ADGRB1: variants seen among roughly 807,000 people sequenced by gnomAD.
ADGRB1 encodes the protein adhesion G protein-coupled receptor B1, also known as brain-specific angiogenesis inhibitor 1.
In ADGRB1, 36 loss-of-function variants were observed where a neutral mutation model predicts 175.7. That is an observed-to-expected ratio of 0.20 (90% CI 0.16 to 0.27). The LOEUF is 0.27. ADGRB1 is among the 10% of genes least tolerant of loss of function. The pLI is 1.00. For synonymous variants in ADGRB1, 1,054 were observed against 979.4 expected (o/e 1.08, Z -1.42); for missense variants, 1,731 against 2,255.3 (o/e 0.77, Z 4.71).
At chr8:142,534,825 G>T (rs1844834472) in intron 25 of ADGRB1, among the ~76,000 whole-genome samples, 1 of 150,098 alleles carries the variant, frequency 6.7e-6, no homozygotes, top group Admixed American at 6.6e-5. Flanking sequence ...ACGCCACATG[G>T]GCCAGGCCCT....
intron 2 of ADGRB1, among the ~76,000 whole-genome samples, chr8:142,470,927 G>C (rs1220947594): frequency 6.6e-6 from 1 of 152,162 alleles, no homozygotes; most frequent in Non-Finnish European, 1.5e-5. Flanking sequence ...CCTGGGAAGA[G>C]GCATCTGGAG....
At chr8:142,469,784 TGTGCAC>T (rs1840548339) in intron 2 of ADGRB1, among the ~76,000 whole-genome samples, 1 of 152,058 alleles carries the variant, frequency 6.6e-6, no homozygotes, top group Admixed American at 6.5e-5. Context: ...TGTCTCTGTG[TGTGCAC>T]GTGCGTGTGC....
chr8:142,501,181 T>C (rs1371668740), intron 17 of ADGRB1, among the ~76,000 whole-genome samples: 2 of 152,156 alleles, frequency 1.3e-5, no homozygotes, highest in Non-Finnish European at 2.9e-5. Flanking sequence ...TGACCGGTGG[T>C]CATTGTGATG....
At chr8:142,535,974 G>A (rs1173900205) in intron 25 of ADGRB1, among the ~76,000 whole-genome samples, 1 of 152,130 alleles carries the variant, frequency 6.6e-6, no homozygotes, top group Non-Finnish European at 1.5e-5. Context: ...CAATTCTCTC[G>A]CCCGCTTTGG....
intron 19 of ADGRB1, 148 bp from the exon 20 acceptor site, chr8:142,520,675 C>A: frequency 1.7e-6 from 1 of 604,622 alleles, no homozygotes; most frequent in Non-Finnish European, 3.0e-6. Flanking sequence ...GTGATGGTGG[C>A]GGTGATGATG....
chr8:142,456,049 AG>A (rs1839655721), intron 1 of ADGRB1, among the ~76,000 whole-genome samples: 1 of 152,064 alleles, frequency 6.6e-6, no homozygotes, highest in African/African-American at 2.4e-5. Context: ...GCCACCCCAG[AG>A]GAACGCATTT....
intron 1 of ADGRB1, among the ~76,000 whole-genome samples, chr8:142,454,646 C>A (rs896308084): frequency 6.6e-5 from 10 of 152,138 alleles, no homozygotes; most frequent in African/African-American, 2.4e-4. Flanking sequence ...GCTCTGTGAC[C>A]TTCATCAGGC....
intron 17 of ADGRB1, among the ~76,000 whole-genome samples, chr8:142,503,502 C>T (rs1327715099): frequency 2.6e-5 from 4 of 152,080 alleles, no homozygotes; most frequent in Non-Finnish European, 5.9e-5. Flanking sequence ...GCAGTGGCCC[C>T]CTGCCAGCAG....
At chr8:142,483,560 A>C (rs183573464) in intron 11 of ADGRB1, among the ~76,000 whole-genome samples, 56 of 137,434 alleles carry the variant, frequency 4.1e-4, no homozygotes, top group African/African-American at 1.3e-3. Context: ...CTAGTCACAC[A>C]CTGAGCCCTG....
chr8:142,496,696 G>A (rs191392153), intron 17 of ADGRB1, among the ~76,000 whole-genome samples: 6 of 152,288 alleles, frequency 3.9e-5, no homozygotes, highest in Non-Finnish European at 7.3e-5. Flanking sequence ...GTCTTTACTC[G>A]AAGCGTGGTT....
At chr8:142,527,575 C>T (rs985979824) in intron 24 of ADGRB1, among the ~76,000 whole-genome samples, 11 of 152,046 alleles carry the variant, frequency 7.2e-5, no homozygotes, top group African/African-American at 9.7e-5. Flanking sequence ...GGGTGGGAGT[C>T]GCGGTGCTTT....
At chr8:142,519,633 G>A (rs1156793832) in intron 19 of ADGRB1, among the ~76,000 whole-genome samples, 4 of 151,348 alleles carry the variant, frequency 2.6e-5, no homozygotes, top group African/African-American at 9.7e-5. Flanking sequence ...GGTGGTGGTG[G>A]TGCTGGTGCT....
At chr8:142,526,503 G>GGCCCCCCCCCCCCCCCCCCCCCC in intron 23 of ADGRB1, 39 bp from the exon 24 acceptor site, 1 of 1,259,250 alleles carries the variant, frequency 7.9e-7, no homozygotes, top group Non-Finnish European at 1.1e-6. Context: ...GCCTACGGCG[G>GGCCCCCCCCCCCCCCCCCCCCCC]CCCCCACCCC....
At chr8:142,485,164 G>A (rs1380127201) in intron 13 of ADGRB1, among the ~76,000 whole-genome samples, 4 of 152,232 alleles carry the variant, frequency 2.6e-5, no homozygotes, top group Non-Finnish European at 2.9e-5. Flanking sequence ...ACCCAGCTCC[G>A]TGGTGTCAGC....
chr8:142,489,738 C>G (rs997373512), intron 16 of ADGRB1, among the ~76,000 whole-genome samples: 3 of 152,172 alleles, frequency 2.0e-5, no homozygotes, highest in Non-Finnish European at 4.4e-5. Flanking sequence ...AGAAGTGGAG[C>G]CCGTCCCATG....
In ADGRB1 at chr8:142,543,790, T is replaced by C; in HGVS notation, c.4557+82T>C. The C allele has an allele frequency of 8.0e-7, 1 of 1,248,318 alleles. No homozygotes were observed. The highest frequency in any genetic ancestry group is 1.1e-6 in the Non-Finnish European group (1 of 875,168). The allele number at this position is 1,248,318 out of a possible 1,614,324, so 77.3% of individuals were successfully genotyped here. Reference sequence around the variant, plus strand: ...CCCTTCTTCCCTGGATTTGTGCACTTCATCCATCCATCCATCCATCCATCC... The same window carrying C: ...CCCTTCTTCCCTGGATTTGTGCACTCCATCCATCCATCCATCCATCCATCC... On this transcript the variant is annotated intron_variant, in intron 30 of 30. Transcript: ENST00000517894. The surrounding 1 kb of genome is among the most constrained non-coding windows in gnomAD (Gnocchi z 4.4).
chr8:142,464,176 C>T lies in ADGRB1; in HGVS notation c.-23C>T, dbSNP rs889068313. 1.5e-4 allele frequency: 189 copies of T among 1,256,086 alleles called. 3 individuals carry two copies. In the African/African-American group the frequency reaches 2.8e-3, roughly 19 times the overall value. 77.8% of individuals were successfully genotyped at this position (1,256,086 alleles called of 1,614,324 possible). ...GCGCCTGCCTGCCCAGCCCGCGGAA[C>T]CCCGGCGGCCCCGCGAGCTAGGATG... On this transcript the variant is annotated 5_prime_UTR_variant, in exon 2 of 31. Transcript: ENST00000517894.
intron 24 of ADGRB1, among the ~76,000 whole-genome samples, chr8:142,529,373 T>C (rs1166336093): frequency 6.6e-6 from 1 of 151,946 alleles, no homozygotes; most frequent in Non-Finnish European, 1.5e-5. Context: ...TGAGAGTACT[T>C]GCTTTTGTTT....
chr8:142,477,326 G>GACCGAGGCAGCGGACT, intron 5 of ADGRB1, 48 bp downstream of exon 5: 5 of 1,586,536 alleles, frequency 3.2e-6, no homozygotes, highest in Non-Finnish European at 4.3e-6. Flanking sequence ...GGCAGCGGGG[G>GACCGAGGCAGCGGACT]GCCAGGGCAG....
Sources: gnomAD v4.1 joint callset for allele counts (sites outside exome capture counted in the v4.1 genomes callset) on GRCh38, gnomAD v4.1.1 for gene constraint, Gnocchi (gnomAD v3.1) non-coding constraint, MANE v1.5 for transcripts, NCBI Gene and HGNC (gene_info 2026-07-23, HGNC 2026-07-21) for gene names.